Variants in RGS6 observed in about 807,000 individuals in gnomAD.
RGS6 encodes the protein regulator of G protein signaling 6.
A neutral mutation model predicts 78.5 loss-of-function variants in RGS6; 30 were observed. The observed-to-expected ratio is 0.38, with a 90% CI of 0.29 to 0.52. RGS6 has a LOEUF of 0.52. Ranked by LOEUF, RGS6 falls within the 20% of genes least tolerant of loss-of-function variation. The pLI is 0.85. For synonymous variants in RGS6, 206 were observed against 206.0 expected, an observed-to-expected ratio of 1.00 and a Z score of 0.00; for missense variants, 495 against 609.7, an observed-to-expected ratio of 0.81 and a Z score of 1.98.
At position 72,550,847 on chromosome 14, in the gene RGS6, G is replaced by GTGTT. The variant is rs1053577179; in HGVS notation, c.1422+10755_1422+10758dup. Among the ~76,000 whole-genome samples the GTGTT allele has an allele frequency of 7.2e-5, 11 of 152,072 alleles. No individual in the cohort carries two copies. The East Asian group carries it at 1.9e-3, about 27-fold the overall frequency. On this transcript the variant is annotated intron_variant, in intron 17 of 17. Coordinates refer to ENST00000553525, the MANE Select transcript of RGS6 (RefSeq NM_001204424.2). Reference sequence around the variant, plus strand: ...TTGTTTTGGTTTGGTTTTTGGGGGGGTGTTTTTTTTGAGACAGAGCCTCGC... The same window carrying GTGTT: ...TTGTTTTGGTTTGGTTTTTGGGGGGGTGTTTGTTTTTTTTGAGACAGAGCCTCGC...
chr14:72,629,941 C>T, the RGS6 span, among the ~76,000 whole-genome samples: 1 of 152,140 alleles, frequency 6.6e-6, no homozygotes, highest in East Asian at 1.9e-4. Flanking sequence ...GAGATATAAG[C>T]ACATCCAATT....
intron 2 of RGS6, among the ~76,000 whole-genome samples, chr14:72,023,046 G>A (rs974704694): frequency 5.9e-5 from 9 of 152,126 alleles, no homozygotes; most frequent in African/African-American, 1.2e-4. Flanking sequence ...GTTAGAAGGC[G>A]TGTCCTGCCT....
intron 2 of RGS6, among the ~76,000 whole-genome samples, chr14:72,085,571 G>C (rs887198758): frequency 1.3e-5 from 2 of 152,094 alleles, no homozygotes; most frequent in African/African-American, 4.8e-5. Flanking sequence ...AGCATCAGAA[G>C]GGCTGGGTGT....
At chr14:72,140,950 C>T (rs1279310184) in intron 2 of RGS6, among the ~76,000 whole-genome samples, 3 of 152,192 alleles carry the variant, frequency 2.0e-5, no homozygotes, top group African/African-American at 7.2e-5. Context: ...ACAACTCTTA[C>T]CGTGTAAATG....
At chr14:71,924,544 C>T in the RGS6 span, among the ~76,000 whole-genome samples, 2 of 152,208 alleles carry the variant, frequency 1.3e-5, no homozygotes, top group Admixed American at 1.3e-4. Context: ...TACATCTTCT[C>T]ATTTCCATGC....
chr14:72,349,634 C>T (rs985137489), intron 2 of RGS6, among the ~76,000 whole-genome samples: 2 of 151,458 alleles, frequency 1.3e-5, no homozygotes, highest in Non-Finnish European at 2.9e-5. Flanking sequence ...CTAGCTGTAA[C>T]CCCTGATGAG....
intron 2 of RGS6, among the ~76,000 whole-genome samples, chr14:72,032,231 T>C (rs2091016246): frequency 6.6e-6 from 1 of 152,182 alleles, no homozygotes; most frequent in African/African-American, 2.4e-5. Flanking sequence ...AAAACTACTA[T>C]TAAGGCTTTT....
At position 72,562,883 on chromosome 14, in the gene RGS6, G is replaced by T; in HGVS notation, c.*416G>T. ...CTGGCAAATTCAAGAGGCATGAGTG[G>T]ACCGAGAGCACATCCAGCATTTGCA... On this transcript the variant is annotated 3_prime_UTR_variant, in exon 18 of 18. Coordinates refer to ENST00000553525, the MANE Select transcript of RGS6 (RefSeq NM_001204424.2). 1 of 824,362 alleles carries T rather than the reference G, an allele frequency of 1.2e-6. No individual in the cohort carries two copies. The highest frequency in any genetic ancestry group is 2.0e-6 in the Non-Finnish European group (1 of 503,700). The allele number at this position is 824,362 out of a possible 1,614,324, so 51.1% of individuals were successfully genotyped here. A position where few individuals can be genotyped will look rare whatever the true frequency, so the allele number is the denominator to read the frequency against.
intron 2 of RGS6, among the ~76,000 whole-genome samples, chr14:72,242,036 CAA>C (rs913099796): frequency 1.3e-5 from 2 of 152,102 alleles, no homozygotes; most frequent in Non-Finnish European, 2.9e-5. Context: ...TTTTTGGAGC[CAA>C]AAGAGTTCTT....
chr14:72,457,939 T>G (rs936961613), intron 4 of RGS6, among the ~76,000 whole-genome samples: 1 of 152,214 alleles, frequency 6.6e-6, no homozygotes, highest in Non-Finnish European at 1.5e-5. Flanking sequence ...AATCACTTCA[T>G]GTGAAATATC....
intron 2 of RGS6, among the ~76,000 whole-genome samples, chr14:72,180,534 A>G (rs2097160824): frequency 6.6e-6 from 1 of 152,238 alleles, no homozygotes; most frequent in African/African-American, 2.4e-5. Context: ...CTATCATGGG[A>G]AATTCTGTCT....
chr14:72,599,839 G>A, the RGS6 span, among the ~76,000 whole-genome samples: 3 of 152,068 alleles, frequency 2.0e-5, no homozygotes, highest in African/African-American at 4.8e-5. Flanking sequence ...ACCAGCCTCC[G>A]AGTCCTGTGG....
chr14:72,010,605 G>A (rs1382567367), intron 2 of RGS6, among the ~76,000 whole-genome samples: 2 of 152,230 alleles, frequency 1.3e-5, no homozygotes, highest in South Asian at 2.1e-4. Flanking sequence ...GGGGGCCATC[G>A]TTTTGGACTA....
intron 11 of RGS6, among the ~76,000 whole-genome samples, chr14:72,477,817 GA>G (rs11290622): frequency 0.14 from 20,090 of 148,288 alleles, 1,416 homozygotes; most frequent in South Asian, 0.18. Context: ...AAGAAAAAAA[GA>G]AAAAAAAACC....
At chr14:72,047,898 G>GTTTTTTT (rs869098348) in intron 2 of RGS6, among the ~76,000 whole-genome samples, 3 of 29,640 alleles carry the variant, frequency 1.0e-4, no homozygotes, top group African/African-American at 1.6e-4. Flanking sequence ...GCTAATTTTT[G>GTTTTTTT]TTTTTTTTTT....
intron 2 of RGS6, among the ~76,000 whole-genome samples, chr14:72,142,586 A>G (rs1437503429): frequency 6.6e-6 from 1 of 152,162 alleles, no homozygotes; most frequent in Admixed American, 6.5e-5. Flanking sequence ...TGGTTTGGGA[A>G]GAGGGATTCT....
At chr14:72,206,167 G>T (rs1192272251) in intron 2 of RGS6, among the ~76,000 whole-genome samples, 3 of 152,128 alleles carry the variant, frequency 2.0e-5, no homozygotes, top group African/African-American at 7.2e-5. Flanking sequence ...TTGTACAACA[G>T]TCAAAATAAT....
chr14:71,955,759 C>T (rs2092737616), intron 1 of RGS6, among the ~76,000 whole-genome samples: 1 of 152,124 alleles, frequency 6.6e-6, no homozygotes, highest in Admixed American at 6.5e-5. Flanking sequence ...GTATCTTATG[C>T]CGACCTCCAG....
the RGS6 span, among the ~76,000 whole-genome samples, chr14:72,610,249 C>T: frequency 1.3e-5 from 2 of 152,188 alleles, no homozygotes; most frequent in Admixed American, 1.3e-4. Context: ...GTCTCTGACT[C>T]AACTAGAGGG....
Sources: allele counts gnomAD v4.1 joint callset (sites outside exome capture counted in the v4.1 genomes callset), GRCh38; gene constraint gnomAD v4.1.1; transcripts MANE v1.5; gene names NCBI Gene and HGNC (gene_info 2026-07-23, HGNC 2026-07-21).